Variants in PRICKLE2 observed in about 807,000 individuals in gnomAD.
The protein encoded by PRICKLE2 is prickle-like protein 2.
A neutral mutation model predicts 81.4 loss-of-function variants in PRICKLE2; 21 were observed. The ratio of observed to expected loss-of-function variants is 0.26; its 90% confidence interval spans 0.18 to 0.37. The LOEUF (loss-of-function observed/expected upper bound fraction) is 0.37, where lower values mean the gene tolerates loss of function less well. Among genes scored for constraint, PRICKLE2 ranks in the 10% least tolerant of loss-of-function variants. The pLI is 1.00. For synonymous variants in PRICKLE2, 456 were observed against 421.5 expected (o/e 1.08, Z -1.00); for missense variants, 940 against 1,109.0 (o/e 0.85, Z 2.16).
chr3:64,184,949 G>A (rs546447418), intron 2 of PRICKLE2, among the ~76,000 whole-genome samples: 1 of 152,340 alleles, frequency 6.6e-6, no homozygotes, highest in East Asian at 1.9e-4. Flanking sequence ...GAATTGCCAA[G>A]TGGTTGGCAA....
At chr3:64,199,151 C>T (rs2078520968) in intron 1 of PRICKLE2, 184 bp from the exon 2 acceptor site, 2 of 635,382 alleles carry the variant, frequency 3.1e-6, no homozygotes, top group Admixed American at 5.2e-5. Flanking sequence ...GTGGTACACG[C>T]ATGTGAAAAC....
At chr3:64,180,603 G>C (rs1237253537) in intron 2 of PRICKLE2, among the ~76,000 whole-genome samples, 3 of 151,194 alleles carry the variant, frequency 2.0e-5, no homozygotes, top group Non-Finnish European at 4.4e-5. Flanking sequence ...CACTATCTCT[G>C]CTCACTGCAA....
chr3:64,267,778 A>T (rs879866961), intron 2 of PRICKLE2: 1 of 152,196 alleles, frequency 6.6e-6, no homozygotes, highest in Non-Finnish European at 1.5e-5. Context: ...GGCAAAGCGC[A>T]TCTCTCCCAG....
chr3:64,263,750 T>A (rs1182613282), intron 2 of PRICKLE2, among the ~76,000 whole-genome samples: 3 of 152,120 alleles, frequency 2.0e-5, no homozygotes, highest in Admixed American at 2.0e-4. Context: ...GTCTTAAGAA[T>A]TCCAAAAGCT....
intron 7 of PRICKLE2, among the ~76,000 whole-genome samples, chr3:64,106,772 G>C (rs890868227): frequency 1.3e-5 from 2 of 152,214 alleles, no homozygotes; most frequent in African/African-American, 4.8e-5. Context: ...GTGTGTGTCT[G>C]TGTGTGCGTG....
At chr3:64,184,575 G>C (rs2078188211) in intron 2 of PRICKLE2, among the ~76,000 whole-genome samples, 1 of 152,074 alleles carries the variant, frequency 6.6e-6, no homozygotes, top group South Asian at 2.1e-4. Flanking sequence ...CTGAGCTCAA[G>C]CAATCTGCCA....
intron 2 of PRICKLE2, among the ~76,000 whole-genome samples, chr3:64,232,097 T>C (rs1044242085): frequency 6.6e-6 from 1 of 152,346 alleles, no homozygotes; most frequent in Non-Finnish European, 1.5e-5. Context: ...ACATAGAGTG[T>C]TGCACTCTTA....
intron 7 of PRICKLE2, among the ~76,000 whole-genome samples, chr3:64,117,386 A>G (rs746051734): frequency 2.6e-5 from 4 of 152,192 alleles, no homozygotes; most frequent in Non-Finnish European, 5.9e-5. Context: ...AAGGCACTCC[A>G]AATAGGAAGA....
At chr3:64,121,606 C>G (rs1457366741) in intron 7 of PRICKLE2, among the ~76,000 whole-genome samples, 3 of 151,584 alleles carry the variant, frequency 2.0e-5, no homozygotes, top group Middle Eastern at 3.4e-3. Flanking sequence ...TTGTTAGTCA[C>G]AATTTTTTTT....
In PRICKLE2 at chr3:64,092,333, C is replaced by T. The variant is rs153734; in HGVS notation, c.*6718G>A. On this transcript the variant is annotated 3_prime_UTR_variant, in exon 8 of 8. Coordinates refer to ENST00000638394, the MANE Select transcript of PRICKLE2 (RefSeq NM_198859.4). ...GCCACTCCCAAGTCCTTGTGATTAG[C>T]TAGGGTGGGTAAGACTACTTACTAT... 0.72 allele frequency: 109,392 copies of T among 152,128 alleles called. 40,242 individuals are homozygous for T. The highest frequency in any genetic ancestry group is 0.84 in the Admixed American group (12,822 of 15,300). 9.4% of individuals were successfully genotyped at this position (152,128 alleles called of 1,614,324 possible).
At chr3:64,203,827 C>A (rs1471497490) in intron 1 of PRICKLE2, among the ~76,000 whole-genome samples, 6 of 130,848 alleles carry the variant, frequency 4.6e-5, no homozygotes, top group Admixed American at 1.5e-4. Context: ...AAAAAAAAAA[C>A]ATCAGCTGGG....
At chr3:64,204,400 T>C (rs2078644109) in intron 1 of PRICKLE2, among the ~76,000 whole-genome samples, 1 of 152,208 alleles carries the variant, frequency 6.6e-6, no homozygotes, top group Admixed American at 6.5e-5. Flanking sequence ...AGTGGTTAAG[T>C]GGCTTGTAAG....
At chr3:64,110,387 G>T (rs1289493264) in intron 7 of PRICKLE2, among the ~76,000 whole-genome samples, 3 of 152,160 alleles carry the variant, frequency 2.0e-5, no homozygotes, top group South Asian at 2.1e-4. Flanking sequence ...CTTTGACAAA[G>T]CCCTGCTATT....
At chr3:64,199,186 G>C in intron 1 of PRICKLE2, 5 of 606,914 alleles carry the variant, frequency 8.2e-6, no homozygotes, top group Non-Finnish European at 1.5e-5. Context: ...GAGGCCACCA[G>C]GTAAGCATGC....
chr3:64,194,980 T>C (rs2078422430), intron 2 of PRICKLE2, among the ~76,000 whole-genome samples: 1 of 152,112 alleles, frequency 6.6e-6, no homozygotes, highest in Non-Finnish European at 1.5e-5. Flanking sequence ...AGTTCAAGGT[T>C]GCAGTGAGCT....
intron 7 of PRICKLE2, among the ~76,000 whole-genome samples, chr3:64,130,050 C>G (rs1485166160): frequency 6.6e-6 from 1 of 152,206 alleles, no homozygotes; most frequent in East Asian, 1.9e-4. Flanking sequence ...CACTGGCAAA[C>G]TGCTCTAATC....
chr3:64,197,438 TGTTTG>T (rs986312181), intron 2 of PRICKLE2, among the ~76,000 whole-genome samples: 2 of 152,218 alleles, frequency 1.3e-5, no homozygotes, highest in Non-Finnish European at 2.9e-5. Flanking sequence ...TTAATGGGAT[TGTTTG>T]GTTTTTCTTG....
At chr3:64,125,790 T>C (rs1385360219) in intron 7 of PRICKLE2, among the ~76,000 whole-genome samples, 1 of 152,222 alleles carries the variant, frequency 6.6e-6, no homozygotes, top group Non-Finnish European at 1.5e-5. Flanking sequence ...ATTGAGGTGT[T>C]TTAGAACTGA....
At chr3:64,249,617 A>C (rs1432153899) in intron 2 of PRICKLE2, among the ~76,000 whole-genome samples, 1 of 152,218 alleles carries the variant, frequency 6.6e-6, no homozygotes, top group Non-Finnish European at 1.5e-5. Flanking sequence ...TTACAAAAAA[A>C]ATGATGTGAA....
Sources: gnomAD v4.1 joint callset for allele counts (sites outside exome capture counted in the v4.1 genomes callset) on GRCh38, gnomAD v4.1.1 for gene constraint, MANE v1.5 for transcripts, NCBI Gene and HGNC (gene_info 2026-07-23, HGNC 2026-07-21) for gene names.